NDUFS4: variants seen among roughly 807,000 people sequenced by gnomAD.
NDUFS4 encodes the protein NADH:ubiquinone oxidoreductase subunit S4.
A neutral mutation model predicts 24.3 loss-of-function variants in NDUFS4; 28 were observed. The observed-to-expected ratio is 1.15, with a 90% CI of 0.85 to 1.58. The LOEUF is 1.58. NDUFS4 is among the 40% of genes most tolerant of loss of function. The pLI is 0.00. For missense variants in NDUFS4, 223 were observed against 207.9 expected (o/e 1.07, Z -0.45); for synonymous variants, 93 against 69.7 (o/e 1.34, Z -1.67).
intron 4 of NDUFS4, among the ~76,000 whole-genome samples, chr5:53,666,348 G>C (rs1489915884): frequency 6.6e-6 from 1 of 152,182 alleles, no homozygotes; most frequent in East Asian, 1.9e-4. Flanking sequence ...TGAATTGCCA[G>C]TGTGAGCTCA....
intron 2 of NDUFS4, among the ~76,000 whole-genome samples, chr5:53,621,549 A>G (rs951094025): frequency 6.6e-5 from 10 of 152,102 alleles, no homozygotes; most frequent in South Asian, 2.1e-4. Context: ...TTAACTTTTC[A>G]TAGTCTGCCA....
intron 1 of NDUFS4, among the ~76,000 whole-genome samples, chr5:53,584,110 A>G (rs1317573522): frequency 1.3e-5 from 2 of 152,220 alleles, no homozygotes; most frequent in African/African-American, 4.8e-5. Context: ...ATGCATAGAA[A>G]AGTACTTCAT....
intron 4 of NDUFS4, among the ~76,000 whole-genome samples, chr5:53,672,662 A>G (rs1740317162): frequency 6.6e-6 from 1 of 152,080 alleles, no homozygotes. Context: ...GCAAGAGATT[A>G]TTTGTGATCA....
intron 1 of NDUFS4, among the ~76,000 whole-genome samples, chr5:53,601,170 A>G (rs930076010): frequency 4.0e-5 from 6 of 151,728 alleles, no homozygotes; most frequent in African/African-American, 1.2e-4. Flanking sequence ...CGCCCGGCTA[A>G]TTTTTTGTAT....
intron 1 of NDUFS4, among the ~76,000 whole-genome samples, chr5:53,561,957 A>C (rs529720493): frequency 1.3e-5 from 2 of 152,034 alleles, no homozygotes; most frequent in Non-Finnish European, 2.9e-5. Context: ...AAGGCAAATG[A>C]TGTTTGTAAT....
intron 2 of NDUFS4, 133 bp downstream of exon 2, chr5:53,603,663 T>C: frequency 1.5e-6 from 1 of 681,178 alleles, no homozygotes; most frequent in South Asian, 1.7e-5. Flanking sequence ...ACCTAAATTT[T>C]AAGAAGAAAT....
chr5:53,625,372 G>A (rs750879618), intron 2 of NDUFS4, among the ~76,000 whole-genome samples: 1 of 151,922 alleles, frequency 6.6e-6, no homozygotes, highest in African/African-American at 2.4e-5. Context: ...CTTGGTTAGG[G>A]TTCATTAAGA....
At chr5:53,562,288 T>A (rs1284005352) in intron 1 of NDUFS4, among the ~76,000 whole-genome samples, 1 of 152,182 alleles carries the variant, frequency 6.6e-6, no homozygotes, top group Non-Finnish European at 1.5e-5. Context: ...TGACCAAGAT[T>A]AGCCCTTCCT....
At chr5:53,614,757 T>C (rs1435601709) in intron 2 of NDUFS4, among the ~76,000 whole-genome samples, 2 of 151,972 alleles carry the variant, frequency 1.3e-5, no homozygotes, top group Non-Finnish European at 2.9e-5. Context: ...CTACCTGCTG[T>C]GTATGGAAAT....
intron 1 of NDUFS4, among the ~76,000 whole-genome samples, chr5:53,582,579 T>C (rs1749607123): frequency 6.6e-6 from 1 of 152,258 alleles, no homozygotes; most frequent in South Asian, 2.1e-4. Context: ...ATAGTATCCC[T>C]GGCCGGGAAT....
intron 4 of NDUFS4, among the ~76,000 whole-genome samples, chr5:53,667,554 ACTTGCCCCT>A (rs1752555071): frequency 6.6e-6 from 1 of 151,752 alleles, no homozygotes; most frequent in Non-Finnish European, 1.5e-5. Context: ...CTTCCTTCTG[ACTTGCCCCT>A]CTTGGGTAGG....
intron 2 of NDUFS4, among the ~76,000 whole-genome samples, chr5:53,625,104 C>T (rs1449703084): frequency 6.6e-6 from 1 of 152,004 alleles, no homozygotes; most frequent in Non-Finnish European, 1.5e-5. Flanking sequence ...CACCACTATA[C>T]CCAGATAGTT....
At chr5:53,643,728 C>T (rs1338212202) in intron 2 of NDUFS4, among the ~76,000 whole-genome samples, 4 of 152,114 alleles carry the variant, frequency 2.6e-5, no homozygotes, top group Admixed American at 2.6e-4. Flanking sequence ...ATTTTAGAGC[C>T]TCTGTACCCT....
chr5:53,647,159 A>C (rs1389757016), intron 3 of NDUFS4, among the ~76,000 whole-genome samples: 1 of 151,454 alleles, frequency 6.6e-6, no homozygotes, highest in Non-Finnish European at 1.5e-5. Context: ...GAAACTTATA[A>C]GTTCCTGAGA....
At chr5:53,646,944 A>G (rs986177438) in intron 3 of NDUFS4, among the ~76,000 whole-genome samples, 3 of 152,064 alleles carry the variant, frequency 2.0e-5, no homozygotes, top group African/African-American at 7.2e-5. Flanking sequence ...AGCATCCACT[A>G]GGGGTTTTGG....
Position 53,561,891 on chromosome 5 carries a change from G to A in NDUFS4, c.98+1131G>A, listed in dbSNP as rs565211916. Among the ~76,000 whole-genome samples, 5 of 152,232 alleles carry A rather than the reference G, an allele frequency of 3.3e-5. No homozygotes were observed. The South Asian group carries it at 6.2e-4, about 19-fold the overall frequency. Reference sequence around the variant, plus strand: ...AAAGGCTTGAAAGCATTAGTTAAACGATTACTAAATACATAGAATAGAGTC... The same window carrying A: ...AAAGGCTTGAAAGCATTAGTTAAACAATTACTAAATACATAGAATAGAGTC... On this transcript the variant is annotated intron_variant, in intron 1 of 4. Coordinates refer to ENST00000296684, the MANE Select transcript of NDUFS4 (RefSeq NM_002495.4).
intron 1 of NDUFS4, among the ~76,000 whole-genome samples, chr5:53,578,915 A>G (rs72750157): frequency 0.16 from 25,028 of 152,106 alleles, 2,292 homozygotes; most frequent in Non-Finnish European, 0.21. Flanking sequence ...TTTTATGCAT[A>G]AATATATAAT....
intron 2 of NDUFS4, among the ~76,000 whole-genome samples, chr5:53,639,082 AC>A (rs1561379607): frequency 1.3e-5 from 2 of 151,694 alleles, no homozygotes. Context: ...GAATTAATTT[AC>A]TCTCTTTTTT....
At chr5:53,620,287 G>A (rs908095244) in intron 2 of NDUFS4, among the ~76,000 whole-genome samples, 4 of 151,990 alleles carry the variant, frequency 2.6e-5, no homozygotes, top group Middle Eastern at 3.4e-3. Context: ...TCTGACACAG[G>A]GGGCATGTAG....
Sources: allele counts gnomAD v4.1 joint callset (sites outside exome capture counted in the v4.1 genomes callset), GRCh38; gene constraint gnomAD v4.1.1; transcripts MANE v1.5; gene names NCBI Gene and HGNC (gene_info 2026-07-23, HGNC 2026-07-21).